The following SLC44A5 variants were observed in gnomAD, a reference collection of about 807,000 sequenced individuals.
SLC44A5 encodes the protein choline transporter-like protein 5.
A neutral mutation model predicts 101.8 loss-of-function variants in SLC44A5; 57 were observed. The ratio of observed to expected loss-of-function variants is 0.56; its 90% CI spans 0.45 to 0.70. The LOEUF is 0.70. Ranked by LOEUF, SLC44A5 falls within the 30% of genes least tolerant of loss-of-function variation. The probability of loss-of-function intolerance (pLI) is 0.00; values close to 1 mark genes in which losing one functional copy is unlikely to be tolerated. For missense variants in SLC44A5, 737 were observed against 853.1 expected (o/e 0.86, Z 1.70); for synonymous variants, 281 against 290.9 (o/e 0.97, Z 0.35).
intron 2 of SLC44A5, among the ~76,000 whole-genome samples, chr1:75,409,959 A>G (rs1302043262): frequency 6.6e-6 from 1 of 152,280 alleles, no homozygotes; most frequent in South Asian, 2.1e-4. Context: ...ACACAAGCAT[A>G]CATTTTCCAG....
At chr1:75,403,218 C>T (rs761202353) in intron 2 of SLC44A5, among the ~76,000 whole-genome samples, 2 of 152,208 alleles carry the variant, frequency 1.3e-5, no homozygotes, top group East Asian at 1.9e-4. Flanking sequence ...AGATAAAATG[C>T]CCATCTCCCT....
chr1:75,206,292 T>A, intron 23 of SLC44A5: 1 of 224,534 alleles, frequency 4.5e-6, no homozygotes, highest in South Asian at 1.0e-4. Flanking sequence ...AAATATACAC[T>A]TATAAAAAGA....
intron 3 of SLC44A5, among the ~76,000 whole-genome samples, chr1:75,362,295 G>A (rs1451082730): frequency 6.6e-6 from 1 of 151,058 alleles, no homozygotes; most frequent in African/African-American, 2.4e-5. Flanking sequence ...ATTTATTTAT[G>A]CTGTGATCTT....
intron 2 of SLC44A5, among the ~76,000 whole-genome samples, chr1:75,469,900 G>GAAAAAAAA (rs1171157547): frequency 3.7e-5 from 3 of 80,542 alleles, no homozygotes; most frequent in African/African-American, 7.7e-5. Flanking sequence ...ACCTTGTGAA[G>GAAAAAAAA]AAAAAAAAAA....
chr1:75,376,175 C>A (rs192841787), intron 3 of SLC44A5, among the ~76,000 whole-genome samples: 1 of 152,364 alleles, frequency 6.6e-6, no homozygotes, highest in African/African-American at 2.4e-5. Context: ...ACACCTGGCT[C>A]AGAGGGTCCT....
At chr1:75,426,177 G>GA (rs1204983205) in intron 2 of SLC44A5, among the ~76,000 whole-genome samples, 1 of 152,162 alleles carries the variant, frequency 6.6e-6, no homozygotes, top group African/African-American at 2.4e-5. Context: ...GTTACACAGG[G>GA]GAGGAGAGGA....
chr1:75,620,611 G>C, the SLC44A5 span, among the ~76,000 whole-genome samples: 4 of 152,132 alleles, frequency 2.6e-5, no homozygotes, highest in Admixed American at 2.0e-4. Flanking sequence ...TATGTTTCCT[G>C]GCCACACAAA....
intron 5 of SLC44A5, among the ~76,000 whole-genome samples, chr1:75,275,499 A>G (rs1053406297): frequency 2.0e-5 from 3 of 152,184 alleles, no homozygotes; most frequent in African/African-American, 7.2e-5. Context: ...ATAATGCCCA[A>G]TTCAAATTTA....
intron 5 of SLC44A5, among the ~76,000 whole-genome samples, chr1:75,294,794 G>GAAGA (rs1653832714): frequency 6.6e-6 from 1 of 152,128 alleles, no homozygotes; most frequent in Non-Finnish European, 1.5e-5. Context: ...GAAAAGTATT[G>GAAGA]CGTGATCTCC....
intron 2 of SLC44A5, among the ~76,000 whole-genome samples, chr1:75,417,875 T>G (rs536943244): frequency 2.6e-5 from 4 of 152,342 alleles, no homozygotes; most frequent in African/African-American, 9.6e-5. Flanking sequence ...TGTGGAAAAC[T>G]GTTGTGCATT....
the SLC44A5 span, among the ~76,000 whole-genome samples, chr1:75,651,833 C>CCACA: frequency 6.6e-6 from 1 of 151,658 alleles, no homozygotes; most frequent in African/African-American, 2.4e-5. Flanking sequence ...AGGAGAGGCC[C>CCACA]CACACACACA....
At chr1:75,680,292 A>G in the SLC44A5 span, among the ~76,000 whole-genome samples, 7 of 151,770 alleles carry the variant, frequency 4.6e-5, no homozygotes, top group East Asian at 1.2e-3. Flanking sequence ...TCTCCACCCC[A>G]AATCAACAGA....
chr1:75,375,020 C>T (rs921028193), intron 3 of SLC44A5, among the ~76,000 whole-genome samples: 2 of 152,144 alleles, frequency 1.3e-5, no homozygotes, highest in Non-Finnish European at 2.9e-5. Flanking sequence ...ATTGAAATGT[C>T]TGAAACAACT....
chr1:75,391,465 C>T (rs1050377185), intron 3 of SLC44A5, among the ~76,000 whole-genome samples: 2 of 152,142 alleles, frequency 1.3e-5, no homozygotes. Context: ...TACCTAATTT[C>T]AAACTATACT....
intron 5 of SLC44A5, among the ~76,000 whole-genome samples, chr1:75,290,210 T>G (rs946514304): frequency 6.6e-6 from 1 of 152,130 alleles, no homozygotes; most frequent in African/African-American, 2.4e-5. Flanking sequence ...GCTGGCATAA[T>G]GGAACAGTAG....
the SLC44A5 span, among the ~76,000 whole-genome samples, chr1:75,652,431 G>A: frequency 6.6e-6 from 1 of 152,186 alleles, no homozygotes; most frequent in Non-Finnish European, 1.5e-5. Flanking sequence ...CAAGAATTGA[G>A]GTTGCTGCAG....
chr1:75,316,038 G>A (rs1249947026), intron 4 of SLC44A5, among the ~76,000 whole-genome samples: 1 of 152,028 alleles, frequency 6.6e-6, no homozygotes, highest in African/African-American at 2.4e-5. Context: ...GCCCTTTTTG[G>A]CCCCTAATCC....
intron 3 of SLC44A5, among the ~76,000 whole-genome samples, chr1:75,352,945 A>G (rs995378772): frequency 6.6e-6 from 1 of 152,192 alleles, no homozygotes; most frequent in Non-Finnish European, 1.5e-5. Flanking sequence ...CACTGTCTAG[A>G]ATTTCATGAT....
intron 1 of SLC44A5, among the ~76,000 whole-genome samples, chr1:75,543,356 G>C (rs942175747): frequency 4.0e-5 from 6 of 151,838 alleles, no homozygotes; most frequent in African/African-American, 9.7e-5. Context: ...CCTCAATCAA[G>C]TGGAAAGCTT....
Sources: allele counts gnomAD v4.1 joint callset (sites outside exome capture counted in the v4.1 genomes callset), GRCh38; gene constraint gnomAD v4.1.1; transcripts MANE v1.5; gene names NCBI Gene and HGNC (gene_info 2026-07-23, HGNC 2026-07-21).